Variants in ADAMTSL1 observed in about 807,000 individuals in gnomAD.
ADAMTSL1 encodes the protein ADAMTS like 1, also known as ADAMTS-like protein 1.
A neutral mutation model predicts 201.8 loss-of-function variants in ADAMTSL1; 126 were observed. The ratio of observed to expected loss-of-function variants is 0.62; its 90% CI spans 0.54 to 0.72. The LOEUF (loss-of-function observed/expected upper bound fraction) is 0.72, where lower values mean the gene tolerates loss of function less well. Ranked by LOEUF, ADAMTSL1 falls within the 30% of genes least tolerant of loss-of-function variation. The pLI, the probability that ADAMTSL1 is intolerant of heterozygous loss-of-function variation, is 0.00. For missense variants in ADAMTSL1, 2,679 were observed against 2,277.8 expected, an observed-to-expected ratio of 1.18 and a Z score of -3.59; for synonymous variants, 1,121 against 903.4, an observed-to-expected ratio of 1.24 and a Z score of -4.32.
chr9:18,331,993 A>G (rs890166415), intron 2 of ADAMTSL1, among the ~76,000 whole-genome samples: 7 of 152,136 alleles, frequency 4.6e-5, no homozygotes, highest in Non-Finnish European at 4.4e-5. Context: ...CAAGTAGCCC[A>G]CCAAAATATT....
intron 1 of ADAMTSL1, among the ~76,000 whole-genome samples, chr9:18,143,060 C>T (rs1826469214): frequency 6.6e-6 from 1 of 152,162 alleles, no homozygotes; most frequent in Non-Finnish European, 1.5e-5. Flanking sequence ...GGCAGTTTCA[C>T]TCCAATGCTA....
rs1436794898 is a variant in ADAMTSL1, at chr9:18,318,751, C to A, written c.207+154770C>A. Reference sequence around the variant, plus strand: ...TTTTTTTTTCAAATATGGTTTTAGGCCATACTTTTGGCAGTGATTCAGATT... The same window carrying A: ...TTTTTTTTTCAAATATGGTTTTAGGACATACTTTTGGCAGTGATTCAGATT... On this transcript the variant is annotated intron_variant, in intron 2 of 29. Coordinates refer to the ADAMTSL1 transcript ENST00000680146. 9.9e-5 allele frequency among the ~76,000 whole-genome samples: 15 copies of A among 151,906 alleles called. No homozygotes were observed. The East Asian group carries it at 2.5e-3, about 25-fold the overall frequency.
chr9:18,509,509 G>C (rs1021598750), intron 2 of ADAMTSL1, among the ~76,000 whole-genome samples: 1 of 152,184 alleles, frequency 6.6e-6, no homozygotes, highest in African/African-American at 2.4e-5. Context: ...GATGGACTTT[G>C]ATGGTCTTGA....
chr9:18,572,772 G>A (rs1341657243), intron 3 of ADAMTSL1, among the ~76,000 whole-genome samples: 1 of 152,152 alleles, frequency 6.6e-6, no homozygotes, highest in East Asian at 1.9e-4. Flanking sequence ...AGATTTTTCA[G>A]AGAAAGAAAC....
At chr9:18,813,671 C>A (rs1404904740) in intron 20 of ADAMTSL1, among the ~76,000 whole-genome samples, 1 of 152,060 alleles carries the variant, frequency 6.6e-6, no homozygotes, top group African/African-American at 2.4e-5. Context: ...GATTTTAAAT[C>A]CTGCAACTTT....
In ADAMTSL1 at chr9:18,889,742, C is replaced by T. The variant is rs756247288; in HGVS notation, c.4637C>T (p.Pro1546Leu). 1 of 1,502,002 alleles carries T rather than the reference C, an allele frequency of 6.7e-7. No individual in the cohort carries two copies. Among genetic ancestry groups the T allele is most frequent in the East Asian group, 2.5e-5 (1 of 40,812 alleles). The allele number at this position is 1,502,002 out of a possible 1,614,324, so 93.0% of individuals were successfully genotyped here. A position where few individuals can be genotyped will look rare whatever the true frequency, so the allele number is the denominator to read the frequency against. ...QPIACNRRDC[P>L]SRWMVTSWSA... ...ATCGCGTGCAACCGGAGAGACTGCCCTTCTCGGTGAGTGCAGCGGACACTG... is the reference window on the plus strand; with the variant it reads ...ATCGCGTGCAACCGGAGAGACTGCCTTTCTCGGTGAGTGCAGCGGACACTG... The change falls in exon 25 of 29, where the codon CCT becomes CTT. Residue 1546 changes from proline to leucine, a missense_variant. Transcript: ENST00000380548.
At chr9:18,480,448 C>A (rs1334744218) in intron 1 of ADAMTSL1, among the ~76,000 whole-genome samples, 1 of 152,170 alleles carries the variant, frequency 6.6e-6, no homozygotes, top group Non-Finnish European at 1.5e-5. Flanking sequence ...GGCAAAGCCA[C>A]CAAGTGGAAG....
At chr9:18,032,401 G>C (rs1433268417) in intron 1 of ADAMTSL1, among the ~76,000 whole-genome samples, 1 of 152,206 alleles carries the variant, frequency 6.6e-6, no homozygotes, top group Non-Finnish European at 1.5e-5. Context: ...GTGCTGAGGA[G>C]TCCGAACTGC....
intron 2 of ADAMTSL1, among the ~76,000 whole-genome samples, chr9:18,455,433 C>G (rs1820563766): frequency 1.3e-5 from 2 of 152,092 alleles, no homozygotes; most frequent in Admixed American, 6.5e-5. Flanking sequence ...CACTTACCCC[C>G]CAGTTTTATG....
rs117853505 is a variant in ADAMTSL1 at position 18,563,197 on chromosome 9, G to A, written c.238-10833G>A. On this transcript the variant is annotated intron_variant, in intron 3 of 28. Coordinates refer to ENST00000380548, the MANE Select transcript of ADAMTSL1 (RefSeq NM_001040272.6). ...TTTTGGTGACTGAATGGGTTTTGTT[G>A]TGGACATCCTTTTTGTTGATGTTGA... Among the ~76,000 whole-genome samples the A allele has an allele frequency of 4.8e-3, 724 of 152,236 alleles. 3 individuals are homozygous for A. Among genetic ancestry groups the A allele is most frequent in the Non-Finnish European group, 6.2e-3 (420 of 68,004 alleles).
chr9:18,418,621 A>G (rs778063572), intron 2 of ADAMTSL1, among the ~76,000 whole-genome samples: 3 of 152,220 alleles, frequency 2.0e-5, no homozygotes, highest in Non-Finnish European at 4.4e-5. Context: ...GGGGAAAATG[A>G]TATAGGGCTA....
intron 3 of ADAMTSL1, among the ~76,000 whole-genome samples, chr9:18,542,628 A>T (rs887981638): frequency 6.6e-6 from 1 of 152,182 alleles, no homozygotes; most frequent in African/African-American, 2.4e-5. Flanking sequence ...GAGAGCCCTC[A>T]GTAGAAACCA....
intron 24 of ADAMTSL1, among the ~76,000 whole-genome samples, 167 bp from the exon 25 acceptor site, chr9:18,889,401 G>A (rs1829099484): frequency 1.3e-5 from 2 of 152,166 alleles, no homozygotes; most frequent in Admixed American, 1.3e-4. Context: ...TCCCCAAATA[G>A]TTCGGGAATG....
In ADAMTSL1 at chr9:18,638,606, T is replaced by C. The variant is rs139145537; in HGVS notation, c.677-648T>C. On this transcript the variant is annotated intron_variant, in intron 6 of 28. Transcript: ENST00000380548. ...AATCTGGATTTGAATGCTCCAGAAA[T>C]CAAGGTTTTTTTTCTATCTCAAGCA... 4.0e-4 allele frequency among the ~76,000 whole-genome samples: 61 copies of C among 152,184 alleles called. No individual in the cohort carries two copies. The East Asian group carries it at 7.5e-3, about 19-fold the overall frequency.
At chr9:17,937,103 G>A (rs1217126143) in intron 1 of ADAMTSL1, among the ~76,000 whole-genome samples, 1 of 152,110 alleles carries the variant, frequency 6.6e-6, no homozygotes, top group Non-Finnish European at 1.5e-5. Context: ...CCTCATCCAT[G>A]GTTGCTGCAG....
At chr9:18,885,728 A>G (rs750609891) in intron 23 of ADAMTSL1, among the ~76,000 whole-genome samples, 6 of 152,112 alleles carry the variant, frequency 3.9e-5, no homozygotes, top group Non-Finnish European at 7.4e-5. Context: ...CCCTCTCACT[A>G]CTACCTCAGG....
chr9:18,378,640 AC>A (rs1215410217), intron 2 of ADAMTSL1, among the ~76,000 whole-genome samples: 2 of 151,690 alleles, frequency 1.3e-5, no homozygotes, highest in African/African-American at 4.8e-5. Context: ...TCCTCTACCT[AC>A]CCTTATCAGC....
intron 20 of ADAMTSL1, among the ~76,000 whole-genome samples, chr9:18,807,696 A>T (rs1340389740): frequency 6.6e-6 from 1 of 151,090 alleles, no homozygotes; most frequent in Non-Finnish European, 1.5e-5. Flanking sequence ...CTGACTGCTG[A>T]GGCGCGGCGC....
At chr9:18,267,849 G>A (rs1357754399) in intron 2 of ADAMTSL1, among the ~76,000 whole-genome samples, 3 of 150,634 alleles carry the variant, frequency 2.0e-5, no homozygotes, top group Non-Finnish European at 2.9e-5. Context: ...TCTTGTAGCG[G>A]CTTTGAAACA....
Sources: allele counts gnomAD v4.1 joint callset (sites outside exome capture counted in the v4.1 genomes callset), GRCh38; gene constraint gnomAD v4.1.1; transcripts MANE v1.5; gene names NCBI Gene and HGNC (gene_info 2026-07-23, HGNC 2026-07-21).